Variants in SET observed in about 807,000 individuals in gnomAD.
The protein encoded by SET is SET nuclear proto-oncogene.
A neutral mutation model predicts 39.0 loss-of-function variants in SET; 4 were observed. The observed-to-expected ratio is 0.10, with a 90% CI of 0.05 to 0.23. The LOEUF (loss-of-function observed/expected upper bound fraction) is 0.23, where lower values mean the gene tolerates loss of function less well. SET is among the 10% of genes least tolerant of loss of function. SET has a pLI of 1.00. For missense variants in SET, 137 were observed against 329.7 expected (o/e 0.42, Z 4.53); for synonymous variants, 114 against 115.9 (o/e 0.98, Z 0.11).
At position 128,692,878 on chromosome 9, in the gene SET, A is replaced by G. The variant is rs1222712623; in HGVS notation, c.389A>G (p.Glu130Gly). The change falls in exon 5 of 8, where the codon GAA becomes GGA. Residue 130 changes from glutamate (E) to glycine (G), a missense_variant. Glu to Gly is a moderately conservative substitution (Grantham distance 98). Coordinates refer to ENST00000322030, the MANE Select transcript of SET (RefSeq NM_003011.4). ...SGYRIDFYFDENPYFENKVLS... is the reference protein window; with the variant it reads ...SGYRIDFYFDGNPYFENKVLS... ...AATTATTTATTACAGTATTTTGATGAAAATCCTTACTTTGAAAATAAAGTT... is the reference window on the plus strand; with the variant it reads ...AATTATTTATTACAGTATTTTGATGGAAATCCTTACTTTGAAAATAAAGTT... 1 of 1,583,952 alleles carries G rather than the reference A, an allele frequency of 6.3e-7. No homozygotes were observed. The highest frequency in any genetic ancestry group is 8.7e-7 in the Non-Finnish European group (1 of 1,154,022).
At chr9:128,694,553 C>T in intron 7 of SET, 88 bp from the exon 8 acceptor site, 9 of 815,740 alleles carry the variant, frequency 1.1e-5, no homozygotes, top group African/African-American at 1.8e-5. Context: ...GGAGTGCCCC[C>T]AGGGGCACTC....
upstream of SET, chr9:128,684,941 TAGAG>T (rs1861235582): frequency 9.7e-6 from 11 of 1,130,226 alleles, no homozygotes; most frequent in Non-Finnish European, 1.1e-5. Context: ...TGGAGCTGGA[TAGAG>T]AGTTGACTGT....
exon 1 of SET, chr9:128,683,970 G>A: frequency 3.2e-6 from 5 of 1,556,780 alleles, no homozygotes; most frequent in Non-Finnish European, 4.3e-6. Flanking sequence ...TGGGACCGGA[G>A]GAGACATCGG....
intron 7 of SET, 64 bp downstream of exon 7, chr9:128,694,106 G>GTATATATA (rs10637043): frequency 1.1e-5 from 11 of 1,001,690 alleles, no homozygotes; most frequent in African/African-American, 4.7e-5. Flanking sequence ...ATTTTGGGGT[G>GTATATATA]TATATATATA....
chr9:128,685,633 G>T (rs914671811), upstream of SET, among the ~76,000 whole-genome samples: 7 of 152,206 alleles, frequency 4.6e-5, no homozygotes, highest in Non-Finnish European at 8.8e-5. Flanking sequence ...GATGTTCCAG[G>T]CTCTGGAGAT....
In SET at chr9:128,695,844, A is replaced by T. The variant is rs1564364028; in HGVS notation, c.*1180A>T. 2 of 228,328 alleles carry T rather than the reference A, an allele frequency of 8.8e-6. No individual in the cohort carries two copies. The highest frequency in any genetic ancestry group is 1.3e-3 in the Middle Eastern group (1 of 770). 14.1% of individuals were successfully genotyped at this position (228,328 alleles called of 1,614,324 possible). On this transcript the variant is annotated 3_prime_UTR_variant, in exon 8 of 8. Transcript: ENST00000322030. ...TTTTTATCTCCAAGTGGCAGTTTTT[A>T]AAATTGGCCTTTTACCTGGATATAA...
At chr9:128,693,603 A>G in intron 5 of SET, 35 bp from the exon 6 acceptor site, 1 of 1,559,910 alleles carries the variant, frequency 6.4e-7, no homozygotes, top group Non-Finnish European at 8.7e-7. Flanking sequence ...TGTTATGGAG[A>G]GATTGTATCA....
Position 128,691,863 on chromosome 9 carries a change from A to G in SET, c.137A>G (p.Asn46Ser). 6.2e-7 allele frequency: 1 copy of G among 1,611,732 alleles called. No individual in the cohort carries two copies. Reference sequence around the variant, plus strand: ...TCTCTTTTCATTTGCTTCAGACTTAATGAACAAGCCAGTGAGGAGATTTTG... The same window carrying G: ...TCTCTTTTCATTTGCTTCAGACTTAGTGAACAAGCCAGTGAGGAGATTTTG... ...DEVQNEIDRL[N>S]EQASEEILKV... is the part of the protein sequence containing the mutation. Residue 46 changes from asparagine (N) to serine (S), a missense_variant, in exon 3 of 8, where the codon AAT (asparagine) becomes AGT (serine). Physicochemically the swap from Asn to Ser is conservative, Grantham distance 46. Coordinates refer to ENST00000322030, the MANE Select transcript of SET (RefSeq NM_003011.4).
chr9:128,686,783 G>A (rs1415649714), upstream of SET, among the ~76,000 whole-genome samples: 1 of 150,726 alleles, frequency 6.6e-6, no homozygotes, highest in Admixed American at 6.6e-5. Context: ...ACCAGCCTGG[G>A]CAACATGGTG....
intron 1 of SET, chr9:128,690,869 A>G (rs1861505935): frequency 2.5e-6 from 1 of 403,218 alleles, no homozygotes; most frequent in Non-Finnish European, 4.5e-6. Context: ...CTTCTGAATA[A>G]GGTTATTCTG....
Position 128,691,753 on chromosome 9 carries a change from A to G in SET, c.132-105A>G, listed in dbSNP as rs932307065. ...TGATAATGGTTATTATAATTTGGTTATTTTGCATGACTCAAGCTAGTAAGT... is the reference window on the plus strand; with the variant it reads ...TGATAATGGTTATTATAATTTGGTTGTTTTGCATGACTCAAGCTAGTAAGT... On this transcript the variant is annotated intron_variant, in intron 2 of 7. Transcript: ENST00000322030. 4.2e-5 allele frequency: 47 copies of G among 1,131,192 alleles called. No individual in the cohort carries two copies. The East Asian group carries it at 1.2e-3, about 28-fold the overall frequency. The allele number at this position is 1,131,192 out of a possible 1,614,324, so 70.1% of individuals were successfully genotyped here. A position where few individuals can be genotyped will look rare whatever the true frequency, so the allele number is the denominator to read the frequency against.
chr9:128,694,672 A>G lies in SET; in HGVS notation c.*8A>G, dbSNP rs1205431007. On this transcript the variant is annotated 3_prime_UTR_variant, in exon 8 of 8. Coordinates refer to ENST00000322030, the MANE Select transcript of SET (RefSeq NM_003011.4). ...GAAGGAGAAGATGACTAAATAGAAC[A>G]CTGATGGATTCCAACCTTCCTTTTT... The G allele has an allele frequency of 1.3e-6, 2 of 1,547,092 alleles. No homozygotes were observed. Among genetic ancestry groups the G allele is most frequent in the Non-Finnish European group, 1.8e-6 (2 of 1,137,670 alleles).
At chr9:128,692,621 G>A in intron 3 of SET, 41 bp from the exon 4 acceptor site, 1 of 1,284,622 alleles carries the variant, frequency 7.8e-7, no homozygotes, top group Non-Finnish European at 1.1e-6. Flanking sequence ...GTTAGTGTGT[G>A]CCTGTTGAAA....
chr9:128,686,223 C>T (rs1461109714), upstream of SET, among the ~76,000 whole-genome samples: 2 of 152,064 alleles, frequency 1.3e-5, no homozygotes, highest in African/African-American at 4.8e-5. Flanking sequence ...CACCCCTGGC[C>T]CTTTTGCTTT....
chr9:128,690,928 CTT>C (rs576083376), intron 1 of SET: 149 of 557,924 alleles, frequency 2.7e-4, no homozygotes, highest in African/African-American at 2.3e-3. Context: ...TAGTGAAACT[CTT>C]TAAAAAGGCG....
At chr9:128,683,874 G>A (rs1861197592) in exon 1 of SET, 2 of 1,541,148 alleles carry the variant, frequency 1.3e-6, no homozygotes, top group African/African-American at 2.8e-5. Context: ...TCGTGGTCTG[G>A]TTCTGGGACT....
Position 128,689,395 on chromosome 9 carries a change from C to G in SET, c.-188C>G. 1.1e-6 allele frequency: 1 copy of G among 893,894 alleles called. No homozygotes were observed. The highest frequency in any genetic ancestry group is 1.4e-6 in the Non-Finnish European group (1 of 725,194). 55.4% of individuals were successfully genotyped at this position (893,894 alleles called of 1,614,324 possible). The stretch of plus-strand genomic sequence containing the variant: ...CGGCACGCCGCCCCAGCCCGTCCCT[C>G]GGCGTCAGGCCGCGAGGGTAGCGCG... On this transcript the variant is annotated 5_prime_UTR_variant, in exon 1 of 8. Transcript: ENST00000322030.
upstream of SET, among the ~76,000 whole-genome samples, chr9:128,687,284 G>T (rs995344226): frequency 6.6e-6 from 1 of 151,898 alleles, no homozygotes; most frequent in Admixed American, 6.6e-5. Context: ...GCACTGTCTT[G>T]AACATGAAAG....
At chr9:128,690,815 C>T (rs1345303695) in intron 1 of SET, 4 of 243,930 alleles carry the variant, frequency 1.6e-5, no homozygotes, top group Admixed American at 1.6e-4. Context: ...GCAGCTGCTA[C>T]TGTTCTCTTG....
Sources: gnomAD v4.1 joint callset for allele counts (sites outside exome capture counted in the v4.1 genomes callset) on GRCh38, gnomAD v4.1.1 for gene constraint, MANE v1.5 for transcripts, NCBI Gene and HGNC (gene_info 2026-07-23, HGNC 2026-07-21) for gene names.